Variants in SLC17A2 observed in about 807,000 individuals in gnomAD.
SLC17A2 encodes the protein sodium-dependent phosphate transport protein 3.
Under a neutral mutation model 52.1 loss-of-function variants are expected in SLC17A2, and 38 were observed. The ratio of observed to expected loss-of-function variants is 0.73; its 90% CI spans 0.56 to 0.96. The LOEUF is 0.96. SLC17A2 is among the 40% of genes least tolerant of loss of function. SLC17A2 has a pLI of 0.00. For missense variants in SLC17A2, 508 were observed against 583.9 expected (o/e 0.87, Z 1.34); for synonymous variants, 226 against 211.9 (o/e 1.07, Z -0.58).
At chr6:25,915,366 C>T (rs1241658419) in intron 10 of SLC17A2, 133 bp downstream of exon 10, 1 of 795,894 alleles carries the variant, frequency 1.3e-6, no homozygotes, top group Non-Finnish European at 1.9e-6. Context: ...TGGCCACAGA[C>T]AGATATTTGT....
chr6:25,913,497 C>A, intron 11 of SLC17A2, 46 bp from the exon 12 acceptor site: 1 of 1,592,194 alleles, frequency 6.3e-7, no homozygotes, highest in Non-Finnish European at 8.6e-7. Flanking sequence ...CAAGTTCCTT[C>A]TACACCAGTT....
In SLC17A2 at chr6:25,923,843, ATGG is replaced by A; in HGVS notation, c.89_91del (p.Thr30del). ...GCTCAGACTCACACGCTGCGTTATC[ATGG>A]TGAAGTTTGAGAAGTGCATGATAAG... On this transcript the variant is annotated inframe_deletion, in exon 3 of 12. Transcript: ENST00000377850. 1 of 1,614,226 alleles carries A rather than the reference ATGG, an allele frequency of 6.2e-7. No individual in the cohort carries two copies. The highest frequency in any genetic ancestry group is 8.5e-7 in the Non-Finnish European group (1 of 1,180,044).
At chr6:25,929,302 T>C (rs1766869727) in intron 1 of SLC17A2, among the ~76,000 whole-genome samples, 2 of 152,240 alleles carry the variant, frequency 1.3e-5, no homozygotes, top group African/African-American at 4.8e-5. Flanking sequence ...ATAATGTTAC[T>C]TCACTGGGCA....
intron 1 of SLC17A2, among the ~76,000 whole-genome samples, chr6:25,928,741 T>C (rs1031107895): frequency 2.0e-5 from 3 of 152,168 alleles, no homozygotes; most frequent in Non-Finnish European, 4.4e-5. Flanking sequence ...GCATGGTTGA[T>C]ATGTACTTAG....
intron 2 of SLC17A2, among the ~76,000 whole-genome samples, chr6:25,925,295 C>A (rs1176336184): frequency 6.6e-6 from 1 of 151,992 alleles, no homozygotes; most frequent in South Asian, 2.1e-4. Context: ...CGGTGGATCA[C>A]GAGGTCAGGA....
intron 10 of SLC17A2, 88 bp from the exon 11 acceptor site, chr6:25,914,758 A>G: frequency 3.9e-6 from 3 of 768,762 alleles, no homozygotes; most frequent in South Asian, 3.3e-5. Context: ...ATTCAGCTCT[A>G]ATGGCAAAGT....
chr6:25,924,528 G>A (rs1434998673), intron 2 of SLC17A2, among the ~76,000 whole-genome samples: 6 of 151,556 alleles, frequency 4.0e-5, no homozygotes, highest in East Asian at 1.9e-4. Context: ...AAAAAACTAC[G>A]TGGGGTGCAG....
chr6:25,918,833 T>C (rs1766428328), intron 5 of SLC17A2, among the ~76,000 whole-genome samples: 1 of 152,244 alleles, frequency 6.6e-6, no homozygotes, highest in South Asian at 2.1e-4. Flanking sequence ...CCTTAGTTTG[T>C]CACAGTAACT....
chr6:25,920,936 G>C, intron 5 of SLC17A2, 70 bp downstream of exon 5: 1 of 1,404,994 alleles, frequency 7.1e-7, no homozygotes, highest in Non-Finnish European at 1.0e-6. Context: ...CAAACCATTT[G>C]ATTCATAGAA....
chr6:25,928,737 T>C (rs1269430792), intron 1 of SLC17A2, among the ~76,000 whole-genome samples: 4 of 152,172 alleles, frequency 2.6e-5, no homozygotes, highest in African/African-American at 9.7e-5. Context: ...ACTGGCATGG[T>C]TGATATGTAC....
At chr6:25,925,279 C>T (rs957531740) in intron 2 of SLC17A2, among the ~76,000 whole-genome samples, 3 of 151,988 alleles carry the variant, frequency 2.0e-5, no homozygotes, top group African/African-American at 7.3e-5. Context: ...TTTGGGAGGC[C>T]GAGGCCGGTG....
intron 3 of SLC17A2, among the ~76,000 whole-genome samples, chr6:25,922,813 GAAGT>G (rs1766606523): frequency 6.6e-6 from 1 of 152,082 alleles, no homozygotes; most frequent in Non-Finnish European, 1.5e-5. Context: ...ATTAATGGAG[GAAGT>G]AAGTAAGATG....
chr6:25,919,683 GA>G (rs1228758583), intron 5 of SLC17A2, among the ~76,000 whole-genome samples: 2 of 78,176 alleles, frequency 2.6e-5, no homozygotes, highest in Non-Finnish European at 5.1e-5. Context: ...CTGGGCGAAA[GA>G]GTGAGACACC....
rs766352177 is a variant in SLC17A2, at chr6:25,919,699, C to CAAAAAAAAAAAAAAAAAAAAAAA, written c.563-1149_563-1127dup. On this transcript the variant is annotated intron_variant, in intron 5 of 11. Coordinates refer to ENST00000377850, the MANE Select transcript of SLC17A2 (RefSeq NM_001286123.3). ...TGGGCGAAAGAGTGAGACACCGTCT[C>CAAAAAAAAAAAAAAAAAAAAAAA]AAAAAAAAAAAAAAAAAAAAAAAAA... Among the ~76,000 whole-genome samples the CAAAAAAAAAAAAAAAAAAAAAAA allele has an allele frequency of 9.0e-4, 28 of 31,152 alleles. 4 individuals carry two copies. The highest frequency in any genetic ancestry group is 1.4e-3 in the Non-Finnish European group (22 of 16,098). The allele number at this position is 31,152 out of a possible 152,430, so 20.4% of individuals were successfully genotyped here.
At chr6:25,920,182 G>T (rs140549360) in intron 5 of SLC17A2, among the ~76,000 whole-genome samples, 37 of 152,300 alleles carry the variant, frequency 2.4e-4, no homozygotes, top group South Asian at 2.1e-4. Context: ...AACGCAGGAG[G>T]GTTGCTTGAG....
intron 6 of SLC17A2, among the ~76,000 whole-genome samples, chr6:25,917,934 A>G (rs1766392487): frequency 6.6e-6 from 1 of 152,248 alleles, no homozygotes; most frequent in South Asian, 2.1e-4. Context: ...GGAGAAATAA[A>G]TAATTACACA....
At chr6:25,920,531 T>C (rs1766512627) in intron 5 of SLC17A2, among the ~76,000 whole-genome samples, 1 of 152,220 alleles carries the variant, frequency 6.6e-6, no homozygotes, top group Non-Finnish European at 1.5e-5. Flanking sequence ...GAGAGGGTTG[T>C]TGTGAGAATT....
At chr6:25,921,533 A>G (rs9358893) in intron 3 of SLC17A2, 121 bp from the exon 4 acceptor site, 266,425 of 663,402 alleles carry the variant, frequency 0.4, 57,480 homozygotes, top group East Asian at 0.74. Context: ...GTTTCTCTCT[A>G]TATTCTTCCT....
intron 5 of SLC17A2, among the ~76,000 whole-genome samples, chr6:25,919,424 T>C (rs1012954390): frequency 1.3e-5 from 2 of 151,992 alleles, no homozygotes; most frequent in African/African-American, 4.8e-5. Flanking sequence ...TTAGGAAGTT[T>C]TGGCCGGGCG....
Sources: gnomAD v4.1 joint callset for allele counts (sites outside exome capture counted in the v4.1 genomes callset) on GRCh38, gnomAD v4.1.1 for gene constraint, MANE v1.5 for transcripts, NCBI Gene and HGNC (gene_info 2026-07-23, HGNC 2026-07-21) for gene names.